The following PRR16 variants were observed in gnomAD, a reference collection of about 807,000 sequenced individuals.
PRR16 encodes the protein proline rich 16.
A neutral mutation model predicts 18.2 loss-of-function variants in PRR16; 6 were observed. The ratio of observed to expected loss-of-function variants is 0.33; its 90% CI spans 0.18 to 0.65. PRR16 has a LOEUF of 0.65. PRR16 is among the 30% of genes least tolerant of loss of function. The pLI is 0.74. For missense variants in PRR16, 412 were observed against 376.6 expected (o/e 1.09, Z -0.78); for synonymous variants, 151 against 147.8 (o/e 1.02, Z -0.16).
chr5:120,498,312 T>C (rs1038563263), intron 1 of PRR16, among the ~76,000 whole-genome samples: 2 of 149,004 alleles, frequency 1.3e-5, no homozygotes, highest in Non-Finnish European at 3.0e-5. Context: ...ATACCTATGT[T>C]ATATATATAC....
At chr5:120,486,780 G>T (rs1749816777) in intron 1 of PRR16, among the ~76,000 whole-genome samples, 1 of 152,120 alleles carries the variant, frequency 6.6e-6, no homozygotes, top group Non-Finnish European at 1.5e-5. Flanking sequence ...ATGGTTTTAG[G>T]TCTAACATGT....
the PRR16 span, among the ~76,000 whole-genome samples, chr5:120,776,524 A>AT: frequency 0.013 from 1,951 of 152,216 alleles, 39 homozygotes; most frequent in African/African-American, 0.043. Flanking sequence ...TAGAGCTTGG[A>AT]TTTCAGTTTT....
At chr5:120,778,641 A>C in the PRR16 span, among the ~76,000 whole-genome samples, 1 of 152,192 alleles carries the variant, frequency 6.6e-6, no homozygotes, top group African/African-American at 2.4e-5. Flanking sequence ...GATTGTATTC[A>C]GCAGATTAGT....
the PRR16 span, among the ~76,000 whole-genome samples, chr5:120,774,927 AT>A: frequency 1.3e-5 from 2 of 152,210 alleles, no homozygotes; most frequent in African/African-American, 4.8e-5. Context: ...CAGCCACTGG[AT>A]TTATTTACAA....
chr5:120,494,836 G>T (rs901211866), intron 1 of PRR16, among the ~76,000 whole-genome samples: 23 of 151,986 alleles, frequency 1.5e-4, no homozygotes, highest in Non-Finnish European at 2.9e-4. Flanking sequence ...ACCATTTAGT[G>T]AAAAAACTAG....
chr5:120,540,269 A>AC (rs1751867953), intron 1 of PRR16, among the ~76,000 whole-genome samples: 1 of 152,158 alleles, frequency 6.6e-6, no homozygotes, highest in African/African-American at 2.4e-5. Flanking sequence ...CCCCTGAGGA[A>AC]CCTCTTATCT....
At chr5:120,761,489 A>G in the PRR16 span, among the ~76,000 whole-genome samples, 1,388 of 152,298 alleles carry the variant, frequency 9.1e-3, 14 homozygotes, top group African/African-American at 0.032. Context: ...TGGTATTAGC[A>G]ATCATGCATA....
At chr5:120,464,779 T>G (rs1749021137) in intron 1 of PRR16, 134 bp downstream of exon 1, 1 of 974,656 alleles carries the variant, frequency 1.0e-6, no homozygotes. Context: ...CAGACGGACT[T>G]TCTTTGCTCC....
intron 1 of PRR16, among the ~76,000 whole-genome samples, chr5:120,635,984 C>A (rs1050782934): frequency 7.2e-5 from 11 of 152,012 alleles, no homozygotes; most frequent in African/African-American, 2.7e-4. Flanking sequence ...AGTGACCAGG[C>A]TGAGAATCAA....
the PRR16 span, among the ~76,000 whole-genome samples, chr5:120,699,603 A>G: frequency 7.6e-4 from 116 of 152,210 alleles, no homozygotes; most frequent in African/African-American, 2.8e-3. Flanking sequence ...AGTTATGAGA[A>G]CTGTAGAGAG....
At position 120,599,324 on chromosome 5, in the gene PRR16, C is replaced by T. The variant is rs1352045992; in HGVS notation, c.160-86630C>T. Reference sequence around the variant, plus strand: ...AGTCTAAACTTATAAATTTTGCATTCTCCCTAACGAAAAAATTTCTATTAC... The same window carrying T: ...AGTCTAAACTTATAAATTTTGCATTTTCCCTAACGAAAAAATTTCTATTAC... On this transcript the variant is annotated intron_variant, in intron 1 of 1. Transcript: ENST00000407149. Among the ~76,000 whole-genome samples, 8 of 151,854 alleles carry T rather than the reference C, an allele frequency of 5.3e-5. No individual in the cohort carries two copies. In the Admixed American group the frequency reaches 5.3e-4, roughly 10 times the overall value.
chr5:120,746,147 A>G, the PRR16 span, among the ~76,000 whole-genome samples: 1 of 151,194 alleles, frequency 6.6e-6, no homozygotes, highest in African/African-American at 2.4e-5. Context: ...ATTTAATTAT[A>G]TTACATTTTT....
chr5:120,485,957 T>C (rs1749785078), intron 1 of PRR16, among the ~76,000 whole-genome samples: 1 of 152,200 alleles, frequency 6.6e-6, no homozygotes, highest in Admixed American at 6.5e-5. Context: ...GCTTCATCCA[T>C]GTCCCTACAA....
chr5:120,501,428 C>T (rs1174116058), intron 1 of PRR16, among the ~76,000 whole-genome samples: 1 of 152,016 alleles, frequency 6.6e-6, no homozygotes, highest in Non-Finnish European at 1.5e-5. Context: ...CACATACACA[C>T]ACACACTCAA....
At chr5:120,625,235 C>T (rs1168547791) in intron 1 of PRR16, among the ~76,000 whole-genome samples, 2 of 152,176 alleles carry the variant, frequency 1.3e-5, no homozygotes, top group Non-Finnish European at 2.9e-5. Context: ...TGTCTCTGAA[C>T]TCAGTGATGT....
Position 120,464,544 on chromosome 5 carries a change from G to A in PRR16, c.58G>A (p.Ala20Thr), listed in dbSNP as rs1187292839. ...SSSCPAEGPP[A>T]ASKTKVKEQI... ...GTCCTGTCCAGCCGAGGGACCGCCGGCAGCCTCCAAAACCAAGGTGAAGGA... is the reference window on the plus strand; with the variant it reads ...GTCCTGTCCAGCCGAGGGACCGCCGACAGCCTCCAAAACCAAGGTGAAGGA... Residue 20 changes from alanine (A) to threonine (T), a missense_variant, in exon 1 of 2, where the codon GCA becomes ACA. By Grantham distance (58) the Ala-to-Thr change is moderately conservative (BLOSUM62 0). Coordinates refer to ENST00000407149, the MANE Select transcript of PRR16 (RefSeq NM_001300783.2). 1.3e-6 allele frequency: 2 copies of A among 1,591,434 alleles called. No homozygotes were observed. Among genetic ancestry groups the A allele is most frequent in the East Asian group, 2.2e-5 (1 of 44,630 alleles).
the PRR16 span, among the ~76,000 whole-genome samples, chr5:120,737,940 T>C: frequency 6.6e-6 from 1 of 152,104 alleles, no homozygotes; most frequent in East Asian, 1.9e-4. Context: ...GTCCCTAGAA[T>C]GCTAACACAA....
chr5:120,673,518 T>C (rs911343335), intron 1 of PRR16, among the ~76,000 whole-genome samples: 1 of 152,250 alleles, frequency 6.6e-6, no homozygotes, highest in Non-Finnish European at 1.5e-5. Flanking sequence ...TCTTGTGTAA[T>C]TTTTAAAGGC....
the PRR16 span, among the ~76,000 whole-genome samples, chr5:120,703,713 T>A: frequency 6.6e-6 from 1 of 152,202 alleles, no homozygotes; most frequent in Non-Finnish European, 1.5e-5. Context: ...TTTGAAAATA[T>A]TATTTTTATG....
Sources: allele counts gnomAD v4.1 joint callset (sites outside exome capture counted in the v4.1 genomes callset), GRCh38; gene constraint gnomAD v4.1.1; transcripts MANE v1.5; gene names NCBI Gene and HGNC (gene_info 2026-07-23, HGNC 2026-07-21).